The following CERT1 variants were observed in gnomAD, a reference collection of about 807,000 sequenced individuals.
CERT1 encodes ceramide transporter 1, also known as ceramide transfer protein.
A neutral mutation model predicts 87.9 loss-of-function variants in CERT1; 31 were observed. That is an observed-to-expected ratio of 0.35 (90% CI 0.27 to 0.48). The LOEUF (loss-of-function observed/expected upper bound fraction) is 0.48. CERT1 is among the 20% of genes least tolerant of loss of function. The probability of loss-of-function intolerance (pLI) is 0.99; values close to 1 mark genes in which losing one functional copy is unlikely to be tolerated. For synonymous variants in CERT1, 289 were observed against 250.9 expected, an observed-to-expected ratio of 1.15 and a Z score of -1.44; for missense variants, 487 against 758.0, an observed-to-expected ratio of 0.64 and a Z score of 4.20.
chr5:75,433,608 C>A (rs116153450), intron 3 of CERT1, among the ~76,000 whole-genome samples: 4,349 of 152,230 alleles, frequency 0.029, 87 homozygotes, highest in Non-Finnish European at 0.042. Flanking sequence ...GAAGCCTCAA[C>A]CTCCTAGGCT....
At chr5:75,473,912 G>C (rs994316171) in intron 2 of CERT1, among the ~76,000 whole-genome samples, 1 of 152,012 alleles carries the variant, frequency 6.6e-6, no homozygotes, top group African/African-American at 2.4e-5. Flanking sequence ...TAAAAGGGCT[G>C]GCTGTCAATC....
chr5:75,422,261 T>A (rs1214549205), intron 5 of CERT1, among the ~76,000 whole-genome samples: 1 of 152,054 alleles, frequency 6.6e-6, no homozygotes, highest in Non-Finnish European at 1.5e-5. Flanking sequence ...CACCAGCACA[T>A]TAAATCTTCC....
intron 14 of CERT1, among the ~76,000 whole-genome samples, 168 bp downstream of exon 14, chr5:75,384,474 A>G (rs976706176): frequency 6.6e-6 from 1 of 152,252 alleles, no homozygotes; most frequent in African/African-American, 2.4e-5. Flanking sequence ...TTCTGTTCTG[A>G]ACAAGTTGAT....
At chr5:75,499,846 C>A (rs1467331234) in intron 2 of CERT1, among the ~76,000 whole-genome samples, 1 of 152,154 alleles carries the variant, frequency 6.6e-6, no homozygotes, top group East Asian at 1.9e-4. Flanking sequence ...TTAACAGATA[C>A]TTTGTGTTAC....
intron 2 of CERT1, among the ~76,000 whole-genome samples, chr5:75,486,266 T>A (rs183488622): frequency 6.6e-6 from 1 of 152,174 alleles, no homozygotes; most frequent in Admixed American, 6.5e-5. Context: ...TCATTTAAAT[T>A]GATGCTGAGA....
intron 3 of CERT1, among the ~76,000 whole-genome samples, chr5:75,453,664 T>C (rs184868857): frequency 6.6e-6 from 1 of 152,062 alleles, no homozygotes; most frequent in African/African-American, 2.4e-5. Flanking sequence ...GCTAATCTCA[T>C]GAAAGTGAGG....
intron 2 of CERT1, among the ~76,000 whole-genome samples, chr5:75,486,438 CAA>C (rs1766527073): frequency 6.6e-6 from 1 of 151,866 alleles, no homozygotes; most frequent in Non-Finnish European, 1.5e-5. Flanking sequence ...ATCTGAAAGA[CAA>C]AGATGTTCAC....
intron 3 of CERT1, among the ~76,000 whole-genome samples, chr5:75,436,972 G>C (rs1041024254): frequency 2.0e-5 from 3 of 152,072 alleles, no homozygotes; most frequent in African/African-American, 7.2e-5. Context: ...CTTTTTTAAA[G>C]ACGGGGTCTT....
At chr5:75,406,325 G>A (rs1290654973) in intron 8 of CERT1, among the ~76,000 whole-genome samples, 1 of 152,164 alleles carries the variant, frequency 6.6e-6, no homozygotes, top group African/African-American at 2.4e-5. Context: ...CTGCTAAGAG[G>A]TTCTTTCCTC....
intron 2 of CERT1, among the ~76,000 whole-genome samples, chr5:75,500,290 T>C (rs1767288481): frequency 6.6e-6 from 1 of 152,170 alleles, no homozygotes; most frequent in Non-Finnish European, 1.5e-5. Flanking sequence ...TTGTGGTACT[T>C]TCTTATGGCA....
At chr5:75,392,374 T>C (rs1161431760) in intron 11 of CERT1, among the ~76,000 whole-genome samples, 2 of 152,210 alleles carry the variant, frequency 1.3e-5, no homozygotes, top group African/African-American at 2.4e-5. Flanking sequence ...CATTCAGTAC[T>C]GTGCTCCTAA....
chr5:75,379,167 G>C lies in CERT1; in HGVS notation c.*179C>G. ...ATTGCACTTCAGCTTAGGAAACAGA[G>C]CAAGACCCTGTTTAAAACAACAACA... On this transcript the variant is annotated 3_prime_UTR_variant, in exon 17 of 17. Coordinates refer to ENST00000643780, the MANE Select transcript of CERT1 (RefSeq NM_001379029.1). The C allele has an allele frequency of 1.7e-6, 1 of 597,184 alleles. No homozygotes were observed. Among genetic ancestry groups the C allele is most frequent in the East Asian group, 2.9e-5 (1 of 34,134 alleles). The allele number at this position is 597,184 out of a possible 1,614,324, so 37.0% of individuals were successfully genotyped here. A position where few individuals can be genotyped will look rare whatever the true frequency, so the allele number is the denominator to read the frequency against.
intron 3 of CERT1, among the ~76,000 whole-genome samples, chr5:75,429,093 T>A (rs1178240920): frequency 6.6e-6 from 1 of 151,428 alleles, no homozygotes; most frequent in Non-Finnish European, 1.5e-5. Flanking sequence ...TCAAAAAACA[T>A]CCCTACCCCT....
rs1761454040 is a variant in CERT1 at position 75,379,222 on chromosome 5, A to ACT, written c.*122_*123dup. On this transcript the variant is annotated 3_prime_UTR_variant, in exon 17 of 17. Coordinates refer to ENST00000643780, the MANE Select transcript of CERT1 (RefSeq NM_001379029.1). ...CAACAACAAAAACCAACGAAACAAT[A>ACT]CTCTATAGGGGAACATCAAAAAACA... 4.7e-6 allele frequency: 4 copies of ACT among 858,164 alleles called. No individual in the cohort carries two copies. The highest frequency in any genetic ancestry group is 7.2e-6 in the Non-Finnish European group (4 of 554,574). 53.2% of individuals were successfully genotyped at this position (858,164 alleles called of 1,614,324 possible). A position where few individuals can be genotyped will look rare whatever the true frequency, so the allele number is the denominator to read the frequency against.
rs374188667 is a variant in CERT1 at position 75,416,826 on chromosome 5, C to T, written c.837+50G>A. The T allele has an allele frequency of 1.9e-5, 28 of 1,451,432 alleles. No homozygotes were observed. In the Admixed American group the frequency reaches 3.0e-4, roughly 15 times the overall value. The allele number at this position is 1,451,432 out of a possible 1,614,324, so 89.9% of individuals were successfully genotyped here. On this transcript the variant is annotated intron_variant, in intron 7 of 16. Transcript: ENST00000643780. ...GCTTGTTTTAAATATTCAAACAATA[C>T]GTAAAACTTAAATGTGATTATTTTT...
In CERT1 at chr5:75,381,166, A is replaced by G; in HGVS notation, c.1653T>C (p.Val551=). The change falls in exon 16 of 17, where the codon GTT becomes GTC. Residue 551 remains valine, a synonymous_variant. Coordinates refer to ENST00000643780, the MANE Select transcript of CERT1 (RefSeq NM_001379029.1). The part of the protein sequence containing the change: ...NNRCVRAKIN[V]AMICQTLVSP... ...TTACCAAGGTTTGACAAATCATAGC[A>G]ACATTTATTTTGGCACGGACACATC... is the stretch of plus-strand genomic sequence containing the variant. The G allele has an allele frequency of 6.2e-7, 1 of 1,614,210 alleles. No homozygotes were observed. The highest frequency in any genetic ancestry group is 8.5e-7 in the Non-Finnish European group (1 of 1,180,026).
At chr5:75,441,930 T>G (rs1181607591) in intron 3 of CERT1, among the ~76,000 whole-genome samples, 1 of 152,208 alleles carries the variant, frequency 6.6e-6, no homozygotes, top group Non-Finnish European at 1.5e-5. Context: ...CCAGAAGTGG[T>G]AGATCATATG....
chr5:75,477,647 TAAAAAAAAAAA>T (rs540588442), intron 2 of CERT1, among the ~76,000 whole-genome samples: 1 of 89,522 alleles, frequency 1.1e-5, no homozygotes, highest in Admixed American at 1.3e-4. Context: ...TAATAAGTTG[TAAAAAAAAAAA>T]AAAAAAAAAA....
At chr5:75,419,094 CA>C (rs1467463899) in intron 6 of CERT1, among the ~76,000 whole-genome samples, 1 of 151,978 alleles carries the variant, frequency 6.6e-6, no homozygotes, top group Non-Finnish European at 1.5e-5. Context: ...GGTGCCAAGA[CA>C]AGGGAAAAAA....
Sources: allele counts gnomAD v4.1 joint callset (sites outside exome capture counted in the v4.1 genomes callset), GRCh38; gene constraint gnomAD v4.1.1; transcripts MANE v1.5; gene names NCBI Gene and HGNC (gene_info 2026-07-23, HGNC 2026-07-21).